The following GCLC variants were observed in gnomAD, a reference collection of about 807,000 sequenced individuals.
GCLC encodes glutamate-cysteine ligase catalytic subunit.
Under a neutral mutation model 81.5 loss-of-function variants are expected in GCLC, and 30 were observed. The observed-to-expected ratio is 0.37, with a 90% CI of 0.28 to 0.50. The LOEUF (loss-of-function observed/expected upper bound fraction) is 0.50, where lower values mean the gene tolerates loss of function less well. GCLC is among the 20% of genes least tolerant of loss of function. The pLI is 0.96. For synonymous variants in GCLC, 262 were observed against 273.3 expected (o/e 0.96, Z 0.41); for missense variants, 556 against 777.4 (o/e 0.72, Z 3.39).
intron 12 of GCLC, among the ~76,000 whole-genome samples, chr6:53,504,492 G>C (rs1019076964): frequency 9.2e-5 from 14 of 152,152 alleles, no homozygotes; most frequent in African/African-American, 2.9e-4. Flanking sequence ...GGCTTAGACT[G>C]GTAGCTTACA....
chr6:53,499,007 G>A lies in GCLC; in HGVS notation c.1703-40C>T, dbSNP rs753103955. On this transcript the variant is annotated intron_variant, in intron 15 of 15. Coordinates refer to ENST00000650454, the MANE Select transcript of GCLC (RefSeq NM_001498.4). ...GGAGCGAAAAAAAAATTAAAACCAC[G>A]TAAGTTTTTTTTTTAATAAGTTGAT... 71 of 1,339,058 alleles carry A rather than the reference G, an allele frequency of 5.3e-5. 1 individual carries two copies. Among genetic ancestry groups the A allele is most frequent in the South Asian group, 7.0e-5 (6 of 85,208 alleles). The allele number at this position is 1,339,058 out of a possible 1,614,324, so 82.9% of individuals were successfully genotyped here.
intron 1 of GCLC, among the ~76,000 whole-genome samples, chr6:53,542,322 T>C (rs1763371845): frequency 6.6e-6 from 1 of 152,172 alleles, no homozygotes; most frequent in Admixed American, 6.5e-5. Context: ...CCCCTTGATC[T>C]TTTGGAGTGG....
chr6:53,544,474 GA>G (rs1445280450), intron 1 of GCLC, 21 bp downstream of exon 1: 1 of 1,603,784 alleles, frequency 6.2e-7, no homozygotes, highest in Non-Finnish European at 8.5e-7. Context: ...GCCCGGCGGG[GA>G]CGGGGACCGC....
At chr6:53,507,827 T>C (rs1298809827) in intron 8 of GCLC, among the ~76,000 whole-genome samples, 2 of 152,206 alleles carry the variant, frequency 1.3e-5, no homozygotes, top group African/African-American at 4.8e-5. Flanking sequence ...AATATACTTT[T>C]ATCTTTTAAA....
In GCLC at chr6:53,520,709, C is replaced by T. The variant is rs183570292; in HGVS notation, c.446+69G>A. The stretch of plus-strand genomic sequence containing the variant: ...GGATTGTAAGGTGGAATGCCCGGGT[C>T]GTGACTTGCTCTTTTCATTACCTGT... On this transcript the variant is annotated intron_variant, in intron 3 of 15. Coordinates refer to ENST00000650454, the MANE Select transcript of GCLC (RefSeq NM_001498.4). The T allele has an allele frequency of 1.9e-3, 2,501 of 1,286,354 alleles. 5 individuals are homozygous for T. The highest frequency in any genetic ancestry group is 2.7e-3 in the Admixed American group (159 of 59,650). 79.7% of individuals were successfully genotyped at this position (1,286,354 alleles called of 1,614,324 possible).
chr6:53,508,463 C>G (rs1764663236), intron 8 of GCLC, 132 bp downstream of exon 8: 3 of 749,216 alleles, frequency 4.0e-6, no homozygotes, highest in Non-Finnish European at 7.4e-6. Flanking sequence ...AATTAACTCC[C>G]CACCTAGACC....
chr6:53,532,771 G>C (rs950904752), intron 1 of GCLC, among the ~76,000 whole-genome samples: 1 of 151,964 alleles, frequency 6.6e-6, no homozygotes, highest in Non-Finnish European at 1.5e-5. Flanking sequence ...CAGAATCTTG[G>C]GGGAGGGGGA....
chr6:53,534,633 G>A lies in GCLC; in HGVS notation c.150+9863C>T, dbSNP rs1347567419. Among the ~76,000 whole-genome samples, 4 of 147,304 alleles carry A rather than the reference G, an allele frequency of 2.7e-5. No homozygotes were observed. The East Asian group carries it at 8.3e-4, about 30-fold the overall frequency. On this transcript the variant is annotated intron_variant, in intron 1 of 15. Coordinates refer to ENST00000650454, the MANE Select transcript of GCLC (RefSeq NM_001498.4). Reference sequence around the variant, plus strand: ...CTTACTGCCTGGGGAGAGGCTCCAGGTCATGGGCAGGAAGGTGAAGAAGAG... The same window carrying A: ...CTTACTGCCTGGGGAGAGGCTCCAGATCATGGGCAGGAAGGTGAAGAAGAG...
intron 1 of GCLC, among the ~76,000 whole-genome samples, chr6:53,527,581 C>T (rs946791663): frequency 3.3e-5 from 5 of 152,146 alleles, no homozygotes; most frequent in Non-Finnish European, 7.3e-5. Context: ...AAGAGCCAGG[C>T]AGATGTGGCT....
intron 1 of GCLC, among the ~76,000 whole-genome samples, chr6:53,534,543 C>T (rs151010142): frequency 1.3e-4 from 20 of 151,740 alleles, no homozygotes; most frequent in South Asian, 1.2e-3. Flanking sequence ...CAAGACACTG[C>T]GTATCAGATA....
chr6:53,515,962 G>A, intron 4 of GCLC, 147 bp downstream of exon 4: 7 of 661,222 alleles, frequency 1.1e-5, no homozygotes, highest in South Asian at 1.1e-4. Context: ...GTGAACAGGT[G>A]CACATCTGCT....
At chr6:53,537,606 C>T (rs181237807) in intron 1 of GCLC, among the ~76,000 whole-genome samples, 11 of 146,728 alleles carry the variant, frequency 7.5e-5, no homozygotes, top group Non-Finnish European at 8.9e-5. Context: ...CAAGAAAGAC[C>T]CTGTCTCAAA....
rs1417404132 is a variant in GCLC at position 53,498,980 on chromosome 6, G to C, written c.1703-13C>G. 1.3e-6 allele frequency: 2 copies of C among 1,581,314 alleles called. No homozygotes were observed. The highest frequency in any genetic ancestry group is 1.7e-4 in the Middle Eastern group (1 of 5,962). On this transcript the variant is annotated splice_polypyrimidine_tract_variant and intron_variant, in intron 15 of 15. Coordinates refer to ENST00000650454, the MANE Select transcript of GCLC (RefSeq NM_001498.4). ...GTCATTAGTTCTCCTGTGGGCGAGG[G>C]GGGAGCGAAAAAAAAATTAAAACCA...
chr6:53,541,181 A>G (rs1763347681), intron 1 of GCLC, among the ~76,000 whole-genome samples: 2 of 152,124 alleles, frequency 1.3e-5, no homozygotes. Context: ...CACGTCATGC[A>G]CTCCAGCCTG....
At chr6:53,526,652 G>A (rs1025128674) in intron 1 of GCLC, among the ~76,000 whole-genome samples, 3 of 151,982 alleles carry the variant, frequency 2.0e-5, no homozygotes, top group African/African-American at 7.3e-5. Flanking sequence ...CAAAAAATTA[G>A]CTAGGCATGC....
intron 3 of GCLC, among the ~76,000 whole-genome samples, chr6:53,517,881 A>G (rs1762909296): frequency 6.6e-6 from 1 of 152,190 alleles, no homozygotes; most frequent in South Asian, 2.1e-4. Flanking sequence ...CAGGAACTAC[A>G]ATTTTCATTT....
chr6:53,537,426 GA>G (rs1763274408), intron 1 of GCLC, among the ~76,000 whole-genome samples: 1 of 152,156 alleles, frequency 6.6e-6, no homozygotes, highest in Non-Finnish European at 1.5e-5. Flanking sequence ...TGCCTATTAA[GA>G]AATAATTAAT....
chr6:53,518,481 C>T (rs1312957373), intron 3 of GCLC, among the ~76,000 whole-genome samples: 1 of 152,198 alleles, frequency 6.6e-6, no homozygotes, highest in Admixed American at 6.5e-5. Context: ...GAACTCCTGA[C>T]TTCAGGTGAT....
intron 1 of GCLC, among the ~76,000 whole-genome samples, chr6:53,527,482 C>T (rs907725713): frequency 6.6e-6 from 1 of 152,196 alleles, no homozygotes; most frequent in African/African-American, 2.4e-5. Context: ...GCTGGACACG[C>T]TCCCTGCCCC....
Sources: allele counts gnomAD v4.1 joint callset (sites outside exome capture counted in the v4.1 genomes callset), GRCh38; gene constraint gnomAD v4.1.1; transcripts MANE v1.5; gene names NCBI Gene and HGNC (gene_info 2026-07-23, HGNC 2026-07-21).